CHCHD6: variants seen among roughly 807,000 people sequenced by gnomAD.
CHCHD6 encodes the protein MICOS complex subunit MIC25.
Under a neutral mutation model 32.3 loss-of-function variants are expected in CHCHD6, and 28 were observed. The ratio of observed to expected loss-of-function variants is 0.87; its 90% CI spans 0.64 to 1.19. The LOEUF (loss-of-function observed/expected upper bound fraction) is 1.19, where lower values mean the gene tolerates loss of function less well. Ranked by LOEUF, CHCHD6 falls within the 50% of genes most tolerant of loss-of-function variation. The pLI is 0.00. For missense variants in CHCHD6, 333 were observed against 307.0 expected, an observed-to-expected ratio of 1.08 and a Z score of -0.63; for synonymous variants, 122 against 117.5, an observed-to-expected ratio of 1.04 and a Z score of -0.25.
intron 5 of CHCHD6, among the ~76,000 whole-genome samples, chr3:126,909,132 G>A (rs1255659047): frequency 2.0e-5 from 3 of 152,246 alleles, no homozygotes. Context: ...CGTAGGCCGT[G>A]AATGACTGCT....
intron 4 of CHCHD6, among the ~76,000 whole-genome samples, chr3:126,833,429 A>G (rs1265279012): frequency 6.6e-6 from 1 of 152,228 alleles, no homozygotes; most frequent in Non-Finnish European, 1.5e-5. Context: ...AAATTTGAAA[A>G]CAGTTTCTAA....
intron 1 of CHCHD6, among the ~76,000 whole-genome samples, chr3:126,721,079 C>T (rs753647975): frequency 6.6e-6 from 1 of 152,190 alleles, no homozygotes; most frequent in Non-Finnish European, 1.5e-5. Context: ...GAGATCAAAA[C>T]TCCTTTTCTT....
chr3:126,727,190 T>C lies in CHCHD6; in HGVS notation c.196+4T>C, dbSNP rs777050974. The C allele has an allele frequency of 6.3e-7, 1 of 1,579,818 alleles. No homozygotes were observed. The highest frequency in any genetic ancestry group is 8.7e-7 in the Non-Finnish European group (1 of 1,148,780). On this transcript the variant is annotated splice_donor_region_variant and intron_variant, in intron 2 of 7. Coordinates refer to ENST00000290913, the MANE Select transcript of CHCHD6 (RefSeq NM_032343.3). ...AACTTGAGAGCCCCTCACAAAGGTA[T>C]GGGGATTGTGACAGTTCTGTGGAGT... is the stretch of plus-strand genomic sequence containing the variant.
chr3:126,824,656 G>A (rs937259906), intron 4 of CHCHD6, among the ~76,000 whole-genome samples: 27 of 150,488 alleles, frequency 1.8e-4, no homozygotes, highest in African/African-American at 6.4e-4. Flanking sequence ...GCACGATCTC[G>A]GCTCACCATA....
At chr3:126,750,785 C>T (rs1936690885) in intron 4 of CHCHD6, among the ~76,000 whole-genome samples, 2 of 152,250 alleles carry the variant, frequency 1.3e-5, no homozygotes, top group South Asian at 4.1e-4. Flanking sequence ...AGCCCATTAA[C>T]ACTGCCCCAT....
At chr3:126,705,288 G>C (rs1310782314) in intron 1 of CHCHD6, among the ~76,000 whole-genome samples, 1 of 152,136 alleles carries the variant, frequency 6.6e-6, no homozygotes, top group Non-Finnish European at 1.5e-5. Flanking sequence ...CTTGTTTATT[G>C]CGTTTACTGC....
intron 5 of CHCHD6, among the ~76,000 whole-genome samples, chr3:126,864,087 C>CTCT (rs1942127820): frequency 6.6e-6 from 1 of 150,714 alleles, no homozygotes; most frequent in Non-Finnish European, 1.5e-5. Flanking sequence ...TCACCACCTC[C>CTCT]TCCACCACCA....
chr3:126,767,028 C>T, intron 4 of CHCHD6: 1 of 894,252 alleles, frequency 1.1e-6, no homozygotes, highest in Non-Finnish European at 1.9e-6. Context: ...GCAGGATCTG[C>T]CTCAATGAAG....
chr3:126,846,174 C>T lies in CHCHD6; in HGVS notation c.412-6473C>T, dbSNP rs146720496. Among the ~76,000 whole-genome samples, 125 of 152,228 alleles carry T rather than the reference C, an allele frequency of 8.2e-4. 1 individual carries two copies. Among genetic ancestry groups the T allele is most frequent in the African/African-American group, 2.8e-3 (118 of 41,538 alleles). ...TTCCCAGAAAAATGTCATTATTTTT[C>T]CTGTCTGGTGATTCCCTGAAAGAGA... On this transcript the variant is annotated intron_variant, in intron 4 of 7. Transcript: ENST00000290913.
At chr3:126,767,243 G>A in intron 4 of CHCHD6, 1 of 1,455,646 alleles carries the variant, frequency 6.9e-7, no homozygotes, top group Non-Finnish European at 9.6e-7. Flanking sequence ...TATCTGTGCG[G>A]GGCTGGGGAT....
intron 4 of CHCHD6, among the ~76,000 whole-genome samples, chr3:126,737,416 A>G (rs1025187513): frequency 6.8e-6 from 1 of 146,762 alleles, no homozygotes; most frequent in African/African-American, 2.5e-5. Context: ...ATATATATAT[A>G]TATGCACACA....
chr3:126,723,280 G>A (rs2107655260), intron 1 of CHCHD6, among the ~76,000 whole-genome samples: 1 of 152,118 alleles, frequency 6.6e-6, no homozygotes, highest in African/African-American at 2.4e-5. Context: ...AAATGTTCAT[G>A]GTAAAAAAAT....
chr3:126,921,389 G>A (rs781729868), intron 6 of CHCHD6, among the ~76,000 whole-genome samples: 4 of 144,474 alleles, frequency 2.8e-5, no homozygotes, highest in Admixed American at 2.0e-4. Context: ...GTACACCCCC[G>A]CCCACCCACC....
intron 4 of CHCHD6, among the ~76,000 whole-genome samples, chr3:126,843,581 A>G (rs183618829): frequency 1.8e-4 from 28 of 152,340 alleles, no homozygotes; most frequent in African/African-American, 6.0e-4. Flanking sequence ...TTATATTTCC[A>G]TTACTGCATT....
intron 5 of CHCHD6, among the ~76,000 whole-genome samples, chr3:126,905,806 G>C (rs980629138): frequency 6.6e-6 from 1 of 152,192 alleles, no homozygotes; most frequent in Non-Finnish European, 1.5e-5. Flanking sequence ...GCCTAAGATA[G>C]GGACCCATGG....
intron 5 of CHCHD6, among the ~76,000 whole-genome samples, chr3:126,903,492 C>G (rs552614106): frequency 2.1e-4 from 32 of 152,304 alleles, no homozygotes; most frequent in African/African-American, 7.5e-4. Flanking sequence ...GGTCAGATCA[C>G]TAGTAAGTAG....
At chr3:126,807,209 T>A (rs1230301469) in intron 4 of CHCHD6, among the ~76,000 whole-genome samples, 3 of 150,696 alleles carry the variant, frequency 2.0e-5, no homozygotes, top group Non-Finnish European at 3.0e-5. Context: ...AAAAAAAAAA[T>A]TGTGAGACCA....
At chr3:126,797,177 G>A (rs1460094572) in intron 4 of CHCHD6, among the ~76,000 whole-genome samples, 2 of 152,156 alleles carry the variant, frequency 1.3e-5, no homozygotes, top group Non-Finnish European at 2.9e-5. Context: ...CTAGCCCGGC[G>A]AGCAGGGAGA....
chr3:126,726,634 C>T (rs995589997), intron 1 of CHCHD6, among the ~76,000 whole-genome samples: 23 of 152,120 alleles, frequency 1.5e-4, no homozygotes, highest in Admixed American at 1.2e-3. Context: ...TGCATGCTGT[C>T]GAGGAGCAGC....
Sources: gnomAD v4.1 joint callset for allele counts (sites outside exome capture counted in the v4.1 genomes callset) on GRCh38, gnomAD v4.1.1 for gene constraint, MANE v1.5 for transcripts, NCBI Gene and HGNC (gene_info 2026-07-23, HGNC 2026-07-21) for gene names.